Variants in CADPS2 observed in about 807,000 individuals in gnomAD.
CADPS2 encodes calcium dependent secretion activator 2.
Under a neutral mutation model 172.5 loss-of-function variants are expected in CADPS2, and 93 were observed. That is an observed-to-expected ratio of 0.54 (90% CI 0.46 to 0.64). The LOEUF is 0.64. Among genes scored for constraint, CADPS2 ranks in the 30% least tolerant of loss-of-function variants. The probability of loss-of-function intolerance (pLI) is 0.00; values close to 1 mark genes in which losing one functional copy is unlikely to be tolerated. For missense variants in CADPS2, 1,420 were observed against 1,565.9 expected (o/e 0.91, Z 1.57); for synonymous variants, 546 against 555.2 (o/e 0.98, Z 0.23).
intron 17 of CADPS2, among the ~76,000 whole-genome samples, chr7:122,420,459 C>G (rs949152627): frequency 3.9e-5 from 6 of 152,190 alleles, no homozygotes; most frequent in African/African-American, 1.4e-4. Context: ...TAAATAGATG[C>G]ATTTTTATCA....
chr7:122,580,452 C>CA (rs34849650), intron 7 of CADPS2, among the ~76,000 whole-genome samples: 57,324 of 133,226 alleles, frequency 0.43, 11,757 homozygotes, highest in Admixed American at 0.47. Context: ...GATTCTGTCT[C>CA]AAAAAAAAAA....
intron 3 of CADPS2, among the ~76,000 whole-genome samples, chr7:122,651,107 T>C (rs2079105655): frequency 6.6e-6 from 1 of 152,156 alleles, no homozygotes; most frequent in Non-Finnish European, 1.5e-5. Context: ...TTCATTACCA[T>C]GGCATTTATT....
intron 4 of CADPS2, among the ~76,000 whole-genome samples, chr7:122,624,063 T>C (rs1364977639): frequency 6.6e-6 from 1 of 152,176 alleles, no homozygotes; most frequent in Non-Finnish European, 1.5e-5. Context: ...TACTTGAATT[T>C]TTTTCTCCAA....
intron 8 of CADPS2, among the ~76,000 whole-genome samples, chr7:122,532,150 T>C (rs1349088065): frequency 1.3e-5 from 2 of 152,156 alleles, no homozygotes; most frequent in Non-Finnish European, 2.9e-5. Flanking sequence ...TTCTATCAAT[T>C]GGCTGATTTT....
intron 11 of CADPS2, among the ~76,000 whole-genome samples, chr7:122,486,071 A>G (rs1341363757): frequency 6.6e-6 from 1 of 152,254 alleles, no homozygotes; most frequent in Admixed American, 6.5e-5. Flanking sequence ...CATAGCATCT[A>G]GTTGCTCAAG....
chr7:122,447,476 G>A (rs987309757), intron 15 of CADPS2, among the ~76,000 whole-genome samples: 1 of 150,614 alleles, frequency 6.6e-6, no homozygotes, highest in African/African-American at 2.4e-5. Context: ...GTCACTTTGA[G>A]GGTCTCAATT....
intron 17 of CADPS2, among the ~76,000 whole-genome samples, chr7:122,423,958 T>A (rs1234760721): frequency 6.6e-6 from 1 of 152,198 alleles, no homozygotes; most frequent in East Asian, 1.9e-4. Flanking sequence ...TTCCCTGAAA[T>A]CAAGCTATAC....
intron 27 of CADPS2, among the ~76,000 whole-genome samples, chr7:122,350,419 C>A (rs2038368682): frequency 6.6e-6 from 1 of 152,008 alleles, no homozygotes; most frequent in South Asian, 2.1e-4. Flanking sequence ...TTATCAATTT[C>A]TGTATTTTTA....
chr7:122,380,328 T>TA (rs1486920366), intron 24 of CADPS2, among the ~76,000 whole-genome samples: 2 of 152,150 alleles, frequency 1.3e-5, no homozygotes, highest in African/African-American at 4.8e-5. Flanking sequence ...TTGTAAAGAC[T>TA]AACCCTATCT....
chr7:122,459,972 A>G (rs1220217354), intron 14 of CADPS2, among the ~76,000 whole-genome samples: 1 of 152,226 alleles, frequency 6.6e-6, no homozygotes, highest in Non-Finnish European at 1.5e-5. Flanking sequence ...AGAAGGATTC[A>G]GTTTGGAAAT....
At chr7:122,557,593 C>A (rs929485312) in intron 7 of CADPS2, among the ~76,000 whole-genome samples, 4 of 152,074 alleles carry the variant, frequency 2.6e-5, no homozygotes, top group African/African-American at 9.7e-5. Flanking sequence ...AGGTTTCCAG[C>A]CTGCAAAGGG....
chr7:122,488,471 T>C (rs76983254), intron 11 of CADPS2, among the ~76,000 whole-genome samples: 4,697 of 152,222 alleles, frequency 0.031, 211 homozygotes, highest in African/African-American at 0.11. Flanking sequence ...CTGATGAAAA[T>C]GATGTAAGGA....
chr7:122,642,668 A>G (rs2077800802), intron 3 of CADPS2, among the ~76,000 whole-genome samples: 1 of 152,086 alleles, frequency 6.6e-6, no homozygotes, highest in African/African-American at 2.4e-5. Flanking sequence ...ATCTTTTAAA[A>G]ATGCTTTTCA....
At chr7:122,354,919 T>A (rs2039176128) in intron 27 of CADPS2, among the ~76,000 whole-genome samples, 1 of 152,178 alleles carries the variant, frequency 6.6e-6, no homozygotes, top group Non-Finnish European at 1.5e-5. Context: ...AAGGACACAG[T>A]TCATCATCTA....
intron 25 of CADPS2, among the ~76,000 whole-genome samples, chr7:122,367,458 G>A (rs2041072897): frequency 6.6e-6 from 1 of 151,196 alleles, no homozygotes; most frequent in South Asian, 2.1e-4. Context: ...AAGTGATGGA[G>A]GCCCTGTTCA....
intron 6 of CADPS2, among the ~76,000 whole-genome samples, chr7:122,602,134 C>G (rs1426255286): frequency 6.6e-6 from 1 of 151,500 alleles, no homozygotes; most frequent in African/African-American, 2.4e-5. Flanking sequence ...GAACCTGTAG[C>G]AGATTCACAT....
At chr7:122,382,438 A>T (rs984422273) in intron 24 of CADPS2, 1 of 152,152 alleles carries the variant, frequency 6.6e-6, no homozygotes, top group South Asian at 2.1e-4. Flanking sequence ...TGGTTAAAAC[A>T]TTCTAAGATC....
intron 1 of CADPS2, among the ~76,000 whole-genome samples, chr7:122,797,149 C>T (rs1431432028): frequency 1.4e-4 from 22 of 151,940 alleles, no homozygotes; most frequent in East Asian, 7.7e-4. Flanking sequence ...CAAACCACAA[C>T]GAGATATCAT....
intron 27 of CADPS2, among the ~76,000 whole-genome samples, chr7:122,350,308 TG>T (rs1308352734): frequency 6.6e-6 from 1 of 152,208 alleles, no homozygotes; most frequent in Non-Finnish European, 1.5e-5. Flanking sequence ...AATTTATAAT[TG>T]ATCATAGAAC....
Sources: allele counts gnomAD v4.1 joint callset (sites outside exome capture counted in the v4.1 genomes callset), GRCh38; gene constraint gnomAD v4.1.1; transcripts MANE v1.5; gene names NCBI Gene and HGNC (gene_info 2026-07-23, HGNC 2026-07-21).